The following ARAP2 variants were observed in gnomAD, a reference collection of about 807,000 sequenced individuals.
The protein encoded by ARAP2 is arf-GAP with Rho-GAP domain, ANK repeat and PH domain-containing protein 2.
Under a neutral mutation model 194.5 loss-of-function variants are expected in ARAP2, and 148 were observed. The ratio of observed to expected loss-of-function variants is 0.76; its 90% CI spans 0.67 to 0.87. ARAP2 has a LOEUF of 0.87. ARAP2 is among the 40% of genes least tolerant of loss of function. The pLI, the probability that ARAP2 is intolerant of heterozygous loss-of-function variation, is 0.00. For synonymous variants in ARAP2, 695 were observed against 683.5 expected (o/e 1.02, Z -0.26); for missense variants, 2,128 against 1,989.7 (o/e 1.07, Z -1.32).
chr4:36,045,393 C>A (rs887145623), intron 5 of ARAP2, among the ~76,000 whole-genome samples: 3 of 152,128 alleles, frequency 2.0e-5, no homozygotes, highest in Non-Finnish European at 4.4e-5. Flanking sequence ...TTTACAACAT[C>A]ATGTATAATC....
chr4:36,040,307 A>G, intron 5 of ARAP2, among the ~76,000 whole-genome samples: 1 of 152,234 alleles, frequency 6.6e-6, no homozygotes, highest in Non-Finnish European at 1.5e-5. Flanking sequence ...CACAAAACAC[A>G]TACGATGCCC....
intron 7 of ARAP2, among the ~76,000 whole-genome samples, chr4:36,189,759 A>G (rs189355186): frequency 6.6e-6 from 1 of 152,220 alleles, no homozygotes; most frequent in Admixed American, 6.5e-5. Flanking sequence ...TTCCTTTCTT[A>G]TCTATTCATT....
At chr4:36,008,946 A>T (rs181123455) in intron 9 of ARAP2, among the ~76,000 whole-genome samples, 2 of 152,190 alleles carry the variant, frequency 1.3e-5, no homozygotes, top group African/African-American at 4.8e-5. Context: ...ATATGAAAAA[A>T]TATTAATTGT....
intron 2 of ARAP2, among the ~76,000 whole-genome samples, chr4:36,220,855 A>T (rs1411485493): frequency 2.0e-5 from 3 of 152,104 alleles, no homozygotes; most frequent in East Asian, 1.9e-4. Context: ...AAGTTAAATT[A>T]AAAAGTTATA....
intron 9 of ARAP2, among the ~76,000 whole-genome samples, chr4:36,007,870 A>G (rs1713619547): frequency 1.3e-5 from 2 of 152,172 alleles, no homozygotes; most frequent in African/African-American, 4.8e-5. Context: ...TCAGTGTACA[A>G]AAATCAGTAG....
At chr4:36,170,135 G>GC (rs1736268313) in intron 9 of ARAP2, among the ~76,000 whole-genome samples, 1 of 152,088 alleles carries the variant, frequency 6.6e-6, no homozygotes, top group East Asian at 1.9e-4. Context: ...CCATGAATCT[G>GC]GGGGCAGAAC....
chr4:36,204,967 A>C (rs1298166528), intron 6 of ARAP2, among the ~76,000 whole-genome samples: 1 of 136,346 alleles, frequency 7.3e-6, no homozygotes, highest in Non-Finnish European at 1.5e-5. Flanking sequence ...CAGCCTGGGC[A>C]ACCGAGCGAG....
In ARAP2 at chr4:36,130,340, G is replaced by A. The variant is rs541886245; in HGVS notation, c.3428-1595C>T. Among the ~76,000 whole-genome samples the A allele has an allele frequency of 6.4e-4, 97 of 151,976 alleles. No homozygotes were observed. The South Asian group carries it at 0.012, about 19-fold the overall frequency. On this transcript the variant is annotated intron_variant, in intron 20 of 32. Transcript: ENST00000303965. Reference sequence around the variant, plus strand: ...GCTATATAAAACCTTACCTGAATTGGCCTAACCTGTTGCCTTTTATATTGA... The same window carrying A: ...GCTATATAAAACCTTACCTGAATTGACCTAACCTGTTGCCTTTTATATTGA...
chr4:36,031,614 T>C (rs1000767128), intron 5 of ARAP2, among the ~76,000 whole-genome samples: 7 of 152,032 alleles, frequency 4.6e-5, no homozygotes, highest in Non-Finnish European at 8.8e-5. Flanking sequence ...GAATCAGACA[T>C]ACGTGAAAGA....
At chr4:36,159,211 G>A (rs939847487) in intron 14 of ARAP2, 120 bp downstream of exon 14, 8 of 1,098,508 alleles carry the variant, frequency 7.3e-6, no homozygotes, top group Admixed American at 3.0e-5. Flanking sequence ...CATCTTTTTG[G>A]TAATTACATT....
intron 19 of ARAP2, among the ~76,000 whole-genome samples, chr4:36,143,276 T>C (rs1409729617): frequency 6.6e-6 from 1 of 151,784 alleles, no homozygotes; most frequent in Non-Finnish European, 1.5e-5. Context: ...AGGAATTCTA[T>C]GGACACGTTT....
chr4:36,137,147 T>C (rs1727045056), intron 19 of ARAP2, among the ~76,000 whole-genome samples: 1 of 151,820 alleles, frequency 6.6e-6, no homozygotes, highest in Non-Finnish European at 1.5e-5. Context: ...GTTTTGACAA[T>C]TAGTTCCAAC....
At chr4:36,224,869 T>C (rs1468789871) in intron 2 of ARAP2, among the ~76,000 whole-genome samples, 2 of 152,200 alleles carry the variant, frequency 1.3e-5, no homozygotes, top group African/African-American at 2.4e-5. Flanking sequence ...TTCTTGAAGA[T>C]GAAAATGAAG....
chr4:36,140,606 T>A (rs1728079853), intron 19 of ARAP2, among the ~76,000 whole-genome samples: 1 of 151,704 alleles, frequency 6.6e-6, no homozygotes, highest in Non-Finnish European at 1.5e-5. Flanking sequence ...TAATTCAGCC[T>A]CTGGAGTATT....
chr4:36,162,187 TATAA>T (rs1333563122), intron 11 of ARAP2, among the ~76,000 whole-genome samples: 3 of 152,110 alleles, frequency 2.0e-5, no homozygotes, highest in African/African-American at 7.2e-5. Context: ...CAGACACATG[TATAA>T]ATATTTCCTC....
chr4:36,158,769 C>A lies in ARAP2; in HGVS notation c.2713G>T (p.Ala905Ser), dbSNP rs772239648. ...TTCTCTGAAGAGAGTTTAGAAGCAG[C>A]AGAAGGAGCTTGATATAAAAAGTCA... is the stretch of plus-strand genomic sequence containing the variant. ...LCDFLYQAPSAASKLSSEKKL... is the reference protein window; with the variant it reads ...LCDFLYQAPSSASKLSSEKKL... Residue 905 changes from alanine (A) to serine (S), a missense_variant, in exon 15 of 33, where the codon GCT (alanine) becomes TCT (serine). Physicochemically the swap from Ala to Ser is moderately conservative, Grantham distance 99. Coordinates refer to ENST00000303965, the MANE Select transcript of ARAP2 (RefSeq NM_015230.4). 1 of 1,611,276 alleles carries A rather than the reference C, an allele frequency of 6.2e-7. No individual in the cohort carries two copies. Among genetic ancestry groups the A allele is most frequent in the Non-Finnish European group, 8.5e-7 (1 of 1,178,998 alleles).
At chr4:36,131,975 T>C (rs1328360642) in intron 20 of ARAP2, among the ~76,000 whole-genome samples, 3 of 151,732 alleles carry the variant, frequency 2.0e-5, no homozygotes, top group Non-Finnish European at 4.4e-5. Context: ...AGTAGATATA[T>C]AACAAAAACA....
At chr4:36,197,270 T>C (rs1364794713) in intron 6 of ARAP2, among the ~76,000 whole-genome samples, 1 of 152,132 alleles carries the variant, frequency 6.6e-6, no homozygotes, top group Non-Finnish European at 1.5e-5. Flanking sequence ...TCCATTTCTG[T>C]TTCGTTCATC....
At chr4:36,030,793 C>T (rs13119713) in intron 5 of ARAP2, among the ~76,000 whole-genome samples, 10,463 of 108,458 alleles carry the variant, frequency 0.096, 561 homozygotes, top group Middle Eastern at 0.29. Context: ...TTGACATTGT[C>T]TACGTTTTTT....
Sources: gnomAD v4.1 joint callset for allele counts (sites outside exome capture counted in the v4.1 genomes callset) on GRCh38, gnomAD v4.1.1 for gene constraint, MANE v1.5 for transcripts, NCBI Gene and HGNC (gene_info 2026-07-23, HGNC 2026-07-21) for gene names.